Variants in OPRM1 observed in about 807,000 individuals in gnomAD.
The protein encoded by OPRM1 is mu-type opioid receptor.
In OPRM1, 27 loss-of-function variants were observed where a neutral mutation model predicts 31.8. The ratio of observed to expected loss-of-function variants is 0.85; its 90% CI spans 0.63 to 1.17. The LOEUF is 1.17. Among genes scored for constraint, OPRM1 ranks in the 50% most tolerant of loss-of-function variants. The pLI is 0.00. For synonymous variants in OPRM1, 196 were observed against 189.9 expected (o/e 1.03, Z -0.26); for missense variants, 536 against 511.1 (o/e 1.05, Z -0.47).
rs564836708 is a variant in OPRM1 at position 154,068,101 on chromosome 6, A to G, written c.291-21725A>G. Among the ~76,000 whole-genome samples the G allele has an allele frequency of 9.2e-5, 14 of 152,200 alleles. No individual in the cohort carries two copies. The South Asian group carries it at 2.7e-3, about 29-fold the overall frequency. ...AATAGTATATTTTACTTAATCCCAT[A>G]TATCTATATTATCATTTCAACAAGT... On this transcript the variant is annotated intron_variant, in intron 1 of 3. Coordinates refer to ENST00000330432, the MANE Select transcript of OPRM1 (RefSeq NM_000914.5).
rs17174638 is a variant in OPRM1 at position 154,039,434 on chromosome 6, C to T, written c.-111C>T. 8,929 of 1,551,464 alleles carry T rather than the reference C, an allele frequency of 5.8e-3. 425 individuals carry two copies. In the African/African-American group the frequency reaches 0.1, roughly 18 times the overall value. On this transcript the variant is annotated 5_prime_UTR_variant, in exon 1 of 4. It introduces an in-frame stop codon into an upstream open reading frame of the 5' UTR. Coordinates refer to ENST00000330432, the MANE Select transcript of OPRM1 (RefSeq NM_000914.5). Reference sequence around the variant, plus strand: ...AGCCAGGACTGGTTTCTGTAAGAAACAGCAGGAGCTGTGGCAGCGGCGAAA... The same window carrying T: ...AGCCAGGACTGGTTTCTGTAAGAAATAGCAGGAGCTGTGGCAGCGGCGAAA...
intron 3 of OPRM1, among the ~76,000 whole-genome samples, chr6:154,148,188 T>C (rs1211611040): frequency 6.6e-6 from 1 of 152,214 alleles, no homozygotes; most frequent in Admixed American, 6.5e-5. Flanking sequence ...TCAAACATTC[T>C]GTGAACCCTG....
chr6:154,031,794 G>A (rs1374388379), intron 1 of OPRM1, among the ~76,000 whole-genome samples: 2 of 152,062 alleles, frequency 1.3e-5, no homozygotes, highest in Admixed American at 6.6e-5. Context: ...CTGTGTGCTA[G>A]AGGAAAAAAA....
At chr6:154,243,163 G>T (rs1175546262) in intron 3 of OPRM1, among the ~76,000 whole-genome samples, 1 of 152,194 alleles carries the variant, frequency 6.6e-6, no homozygotes, top group Non-Finnish European at 1.5e-5. Context: ...ACTGGGTAGG[G>T]CTGACAAGTG....
At chr6:154,097,814 C>A (rs568383153) in intron 3 of OPRM1, among the ~76,000 whole-genome samples, 1 of 152,120 alleles carries the variant, frequency 6.6e-6, no homozygotes, top group African/African-American at 2.4e-5. Flanking sequence ...CATATATTGA[C>A]CATTTTGTGT....
At chr6:154,064,055 T>C (rs1343295535) in intron 1 of OPRM1, among the ~76,000 whole-genome samples, 1 of 152,130 alleles carries the variant, frequency 6.6e-6, no homozygotes, top group Non-Finnish European at 1.5e-5. Flanking sequence ...TGTCCTACTG[T>C]TTCCCACACT....
chr6:154,195,296 C>T (rs1427906236), intron 3 of OPRM1, among the ~76,000 whole-genome samples: 4 of 151,726 alleles, frequency 2.6e-5, no homozygotes, highest in Admixed American at 6.6e-5. Flanking sequence ...TACAGGCGCC[C>T]GCCACCACAC....
intron 1 of OPRM1, among the ~76,000 whole-genome samples, chr6:154,080,737 T>C (rs1288191918): frequency 6.6e-6 from 1 of 152,200 alleles, no homozygotes; most frequent in African/African-American, 2.4e-5. Flanking sequence ...GGCTAAACTG[T>C]AGACATTTCC....
At chr6:154,133,404 A>C (rs1403321397), downstream of OPRM1, among the ~76,000 whole-genome samples, 2 of 152,214 alleles carry the variant, frequency 1.3e-5, no homozygotes, top group African/African-American at 2.4e-5. Flanking sequence ...TTTTGTGTGA[A>C]CATGTCACAA....
At chr6:154,074,952 A>G (rs1252831671) in intron 1 of OPRM1, among the ~76,000 whole-genome samples, 2 of 152,186 alleles carry the variant, frequency 1.3e-5, no homozygotes, top group Admixed American at 6.5e-5. Flanking sequence ...AATAGCCCCA[A>G]ACATCCTATA....
At chr6:154,040,867 A>G (rs890216082) in intron 1 of OPRM1, among the ~76,000 whole-genome samples, 3 of 152,176 alleles carry the variant, frequency 2.0e-5, no homozygotes, top group Non-Finnish European at 4.4e-5. Context: ...GTTGGTGTTG[A>G]TGTGTATATT....
intron 3 of OPRM1, among the ~76,000 whole-genome samples, chr6:154,203,406 CA>C (rs1777232901): frequency 6.6e-6 from 1 of 152,200 alleles, no homozygotes; most frequent in South Asian, 2.1e-4. Flanking sequence ...GTCCCTTGAA[CA>C]GTAGGGATTC....
chr6:154,080,709 C>A (rs1788893186), intron 1 of OPRM1, among the ~76,000 whole-genome samples: 1 of 152,166 alleles, frequency 6.6e-6, no homozygotes, highest in Non-Finnish European at 1.5e-5. Context: ...GTCTGGTGAC[C>A]CGTACGTGAG....
At chr6:154,158,527 TAA>T (rs966414293) in intron 3 of OPRM1, 1 of 152,154 alleles carries the variant, frequency 6.6e-6, no homozygotes, top group African/African-American at 2.4e-5. Context: ...CTTTGCTGGT[TAA>T]AAGAGTGACT....
Position 154,126,518 on chromosome 6 carries a change from C to T in OPRM1, c.*7797C>T, listed in dbSNP as rs1797594973. On this transcript the variant is annotated 3_prime_UTR_variant, in exon 4 of 4. Coordinates refer to ENST00000330432, the MANE Select transcript of OPRM1 (RefSeq NM_000914.5). ...TCAAATGTCTCATAGGCTCTTCTTC[C>T]CTGGTTCCCTCAGGAGCTGGGTTTC... Among the ~76,000 whole-genome samples the T allele has an allele frequency of 6.6e-6, 1 of 152,154 alleles. No individual in the cohort carries two copies. Among genetic ancestry groups the T allele is most frequent in the Non-Finnish European group, 1.5e-5 (1 of 68,036 alleles).
Position 154,130,389 on chromosome 6 carries a change from C to T in OPRM1, c.*11668C>T, listed in dbSNP as rs113834157. Among the ~76,000 whole-genome samples, 1,018 of 152,078 alleles carry T rather than the reference C, an allele frequency of 6.7e-3. 6 individuals are homozygous for T. The highest frequency in any genetic ancestry group is 8.9e-3 in the Non-Finnish European group (606 of 67,984). ...TTCACCACGTTAGCCAGGATGGTTTCGATCTCCTGACCTCGTGATCTGCCT... is the reference window on the plus strand; with the variant it reads ...TTCACCACGTTAGCCAGGATGGTTTTGATCTCCTGACCTCGTGATCTGCCT... On this transcript the variant is annotated 3_prime_UTR_variant, in exon 4 of 4. Coordinates refer to ENST00000330432, the MANE Select transcript of OPRM1 (RefSeq NM_000914.5).
At chr6:154,178,014 T>C (rs769695778) in intron 3 of OPRM1, among the ~76,000 whole-genome samples, 26 of 152,014 alleles carry the variant, frequency 1.7e-4, no homozygotes, top group African/African-American at 5.8e-4. Flanking sequence ...CTGGAAACCA[T>C]CATTCTCAGC....
In OPRM1 at chr6:154,122,011, C is replaced by A. The variant is rs1230756978; in HGVS notation, c.*3290C>A. 6.6e-6 allele frequency among the ~76,000 whole-genome samples: 1 copy of A among 152,158 alleles called. No individual in the cohort carries two copies. The highest frequency in any genetic ancestry group is 1.9e-4 in the East Asian group (1 of 5,198). On this transcript the variant is annotated 3_prime_UTR_variant, in exon 4 of 4. Coordinates refer to ENST00000330432, the MANE Select transcript of OPRM1 (RefSeq NM_000914.5). ...TGGCAATTACCAAGATAAGATGGCA[C>A]TAGAAATTTCTCCAGCTTACGCCAT... is the stretch of plus-strand genomic sequence containing the variant.
At chr6:154,206,870 G>A (rs1252499765) in intron 3 of OPRM1, among the ~76,000 whole-genome samples, 2 of 152,194 alleles carry the variant, frequency 1.3e-5, no homozygotes, top group East Asian at 1.9e-4. Flanking sequence ...TTGGGCTGAC[G>A]ATAAGGGCAA....
Sources: allele counts gnomAD v4.1 joint callset (sites outside exome capture counted in the v4.1 genomes callset), GRCh38; gene constraint gnomAD v4.1.1; transcripts MANE v1.5; gene names NCBI Gene and HGNC (gene_info 2026-07-23, HGNC 2026-07-21).